Variants in CXADR observed in about 807,000 individuals in gnomAD.
The protein encoded by CXADR is coxsackievirus and adenovirus receptor.
Under a neutral mutation model 40.3 loss-of-function variants are expected in CXADR, and 20 were observed. That is an observed-to-expected ratio of 0.50 (90% CI 0.35 to 0.72). The LOEUF (loss-of-function observed/expected upper bound fraction) is 0.72, where lower values mean the gene tolerates loss of function less well. CXADR is among the 30% of genes least tolerant of loss of function. CXADR has a pLI of 0.01. For synonymous variants in CXADR, 150 were observed against 161.3 expected, an observed-to-expected ratio of 0.93 and a Z score of 0.53; for missense variants, 332 against 449.1, an observed-to-expected ratio of 0.74 and a Z score of 2.36.
intron 1 of CXADR, among the ~76,000 whole-genome samples, chr21:17,521,466 G>T (rs966590158): frequency 3.9e-5 from 6 of 152,276 alleles, no homozygotes; most frequent in Admixed American, 1.3e-4. Flanking sequence ...GGGAATACAG[G>T]TGCCCGCCAC....
chr21:17,536,073 TGGCGCCA>T (rs2060751435), intron 1 of CXADR, among the ~76,000 whole-genome samples: 2 of 152,204 alleles, frequency 1.3e-5, no homozygotes. Context: ...TTCTTTGGAA[TGGCGCCA>T]GATATTTCGA....
At chr21:17,590,934 C>T (rs576380731) in intron 7 of CXADR, among the ~76,000 whole-genome samples, 2 of 152,092 alleles carry the variant, frequency 1.3e-5, no homozygotes, top group African/African-American at 4.8e-5. Flanking sequence ...TCAGCCAGCT[C>T]CCTCTTCAGA....
chr21:17,555,139 A>T (rs948970571), intron 3 of CXADR, among the ~76,000 whole-genome samples: 7 of 152,156 alleles, frequency 4.6e-5, no homozygotes, highest in African/African-American at 1.4e-4. Context: ...TATCACGGGC[A>T]CCTTCCCCTG....
intron 7 of CXADR, chr21:17,576,953 A>C (rs2061326453): frequency 6.6e-6 from 1 of 152,210 alleles, no homozygotes; most frequent in Non-Finnish European, 1.5e-5. Context: ...GTTAAACAAT[A>C]TTTAACTATT....
chr21:17,599,132 T>C, the CXADR span: 2 of 267,272 alleles, frequency 7.5e-6, no homozygotes, highest in African/African-American at 4.5e-5. Flanking sequence ...TTTGATTACA[T>C]TTTTGTATGT....
chr21:17,533,256 GT>G (rs1465870257), intron 1 of CXADR, among the ~76,000 whole-genome samples: 1 of 151,986 alleles, frequency 6.6e-6, no homozygotes, highest in Admixed American at 6.5e-5. Context: ...TTATTTTTCT[GT>G]TTTTCCAAAA....
chr21:17,630,650 CTTTTT>C, the CXADR span, among the ~76,000 whole-genome samples: 8 of 116,998 alleles, frequency 6.8e-5, no homozygotes, highest in Non-Finnish European at 1.2e-4. Context: ...CTTCCTTCTT[CTTTTT>C]TTTTTTTTTT....
At chr21:17,575,258 C>G (rs2061312659) in intron 7 of CXADR, among the ~76,000 whole-genome samples, 2 of 152,054 alleles carry the variant, frequency 1.3e-5, no homozygotes, top group African/African-American at 4.8e-5. Flanking sequence ...GATTATAGCT[C>G]ACTGCAGCCT....
At chr21:17,632,404 G>A in the CXADR span, among the ~76,000 whole-genome samples, 2 of 152,170 alleles carry the variant, frequency 1.3e-5, no homozygotes, top group Admixed American at 1.3e-4. Flanking sequence ...TCAAGGATAA[G>A]AAGAACTATA....
Position 17,568,923 on chromosome 21 carries a change from G to T in CXADR, c.*3231G>T. The T allele has an allele frequency of 1.0e-6, 1 of 984,842 alleles. No individual in the cohort carries two copies. Among genetic ancestry groups the T allele is most frequent in the South Asian group, 4.7e-5 (1 of 21,272 alleles). The allele number at this position is 984,842 out of a possible 1,614,324, so 61.0% of individuals were successfully genotyped here. On this transcript the variant is annotated 3_prime_UTR_variant, in exon 7 of 7. Transcript: ENST00000284878. Reference sequence around the variant, plus strand: ...CCTGAGTGTATCTTAGGGAGAGTTTGATTGAAAAAATCCAAATCACTATCC... The same window carrying T: ...CCTGAGTGTATCTTAGGGAGAGTTTTATTGAAAAAATCCAAATCACTATCC...
chr21:17,576,304 G>A (rs554530843), intron 7 of CXADR, among the ~76,000 whole-genome samples: 1 of 152,146 alleles, frequency 6.6e-6, no homozygotes, highest in East Asian at 1.9e-4. Context: ...TCCATCTCTG[G>A]CTTCACTACT....
chr21:17,586,156 C>T (rs1039884479), intron 7 of CXADR, among the ~76,000 whole-genome samples: 1 of 151,910 alleles, frequency 6.6e-6, no homozygotes, highest in Admixed American at 6.6e-5. Context: ...CATTAGTGTG[C>T]CATTGTCTTA....
chr21:17,528,122 G>A (rs577254009), intron 1 of CXADR, among the ~76,000 whole-genome samples: 1 of 130,324 alleles, frequency 7.7e-6, no homozygotes, highest in South Asian at 2.6e-4. Context: ...CGCCCAGGCC[G>A]GATTGCAGTG....
chr21:17,612,904 G>A, the CXADR span: 1 of 152,016 alleles, frequency 6.6e-6, no homozygotes, highest in Non-Finnish European at 1.5e-5. Context: ...ACACGAGTGA[G>A]CGCAGCCCCA....
intron 1 of CXADR, among the ~76,000 whole-genome samples, chr21:17,535,796 C>T (rs879826454): frequency 2.0e-5 from 3 of 152,102 alleles, no homozygotes; most frequent in Admixed American, 1.3e-4. Context: ...CGCCTGAGTT[C>T]GGGAGTTCAA....
chr21:17,530,802 A>G (rs1180124994), intron 1 of CXADR, among the ~76,000 whole-genome samples: 2 of 152,206 alleles, frequency 1.3e-5, no homozygotes, highest in Admixed American at 1.3e-4. Context: ...CGACAGAGCG[A>G]GACTCAGTCT....
At chr21:17,608,914 G>T in the CXADR span, 1 of 1,538,124 alleles carries the variant, frequency 6.5e-7, no homozygotes, top group African/African-American at 1.4e-5. Flanking sequence ...CAATCATCCG[G>T]CCTTGAACCC....
chr21:17,571,101 C>G (rs1382327474), downstream of CXADR, among the ~76,000 whole-genome samples: 1 of 152,172 alleles, frequency 6.6e-6, no homozygotes, highest in African/African-American at 2.4e-5. Flanking sequence ...GGAGCCAAAT[C>G]GCCTCCTTTT....
intron 6 of CXADR, 82 bp downstream of exon 6, chr21:17,561,558 C>A: frequency 8.3e-7 from 1 of 1,208,324 alleles, no homozygotes; most frequent in South Asian, 1.8e-5. Context: ...TATTAACCAC[C>A]CAAAGCATCT....
Sources: gnomAD v4.1 joint callset for allele counts (sites outside exome capture counted in the v4.1 genomes callset) on GRCh38, gnomAD v4.1.1 for gene constraint, MANE v1.5 for transcripts, NCBI Gene and HGNC (gene_info 2026-07-23, HGNC 2026-07-21) for gene names.